The following DBH variants were observed in gnomAD, a reference collection of about 807,000 sequenced individuals.
DBH encodes dopamine beta-hydroxylase.
DBH carries 49 observed loss-of-function variants against 64.0 expected under a neutral mutation model. The observed-to-expected ratio is 0.77, with a 90% CI of 0.61 to 0.97. DBH has a LOEUF of 0.97. DBH is among the 50% of genes least tolerant of loss of function. The probability of loss-of-function intolerance (pLI) is 0.00; values close to 1 mark genes in which losing one functional copy is unlikely to be tolerated. For synonymous variants in DBH, 343 were observed against 347.1 expected (o/e 0.99, Z 0.13); for missense variants, 828 against 826.6 (o/e 1.00, Z -0.02).
At chr9:133,656,252 A>G in intron 9 of DBH, 1 of 449,210 alleles carries the variant, frequency 2.2e-6, no homozygotes, top group East Asian at 4.8e-5. Context: ...GGGCACAATA[A>G]CACCCCATCC....
At chr9:133,641,718 A>C (rs1302634715) in intron 2 of DBH, among the ~76,000 whole-genome samples, 1 of 152,142 alleles carries the variant, frequency 6.6e-6, no homozygotes, top group Non-Finnish European at 1.5e-5. Context: ...CCTCCTGCCA[A>C]GCTGGTGGTG....
chr9:133,651,801 G>GGCCCCCCCCCCCCC, intron 7 of DBH, 24 bp downstream of exon 7: 1 of 1,496,346 alleles, frequency 6.7e-7, no homozygotes. Context: ...CCCCACCCCT[G>GGCCCCCCCCCCCCC]CCCCGCCCCC....
At chr9:133,642,566 C>T in intron 3 of DBH, 102 bp downstream of exon 3, 1 of 1,422,314 alleles carries the variant, frequency 7.0e-7, no homozygotes, top group Non-Finnish European at 9.6e-7. Context: ...CTGGTTGGAC[C>T]AGGTGTCCTC....
intron 11 of DBH, among the ~76,000 whole-genome samples, chr9:133,657,465 G>A (rs1468339995): frequency 6.0e-5 from 8 of 134,416 alleles, no homozygotes; most frequent in East Asian, 2.1e-4. Context: ...AGAGGGAGAG[G>A]GAGAGAGGGA....
chr9:133,651,791 C>T lies in DBH; in HGVS notation c.1335+14C>T. ...CCTCACTTCCAGGTAGGAACCTGCA[C>T]CCCACCCCTGCCCCGCCCCCACACC... On this transcript the variant is annotated intron_variant, in intron 7 of 11. Transcript: ENST00000393056. 1.9e-6 allele frequency: 3 copies of T among 1,552,392 alleles called. No individual in the cohort carries two copies. The highest frequency in any genetic ancestry group is 2.6e-6 in the Non-Finnish European group (3 of 1,149,036).
At position 133,654,129 on chromosome 9, in the gene DBH, T is replaced by TTTATTTTATTTTA. The variant is rs1162131142; in HGVS notation, c.1434+1132_1434+1133insATTTTATTTTATT. On this transcript the variant is annotated intron_variant, in intron 9 of 11. Transcript: ENST00000393056. ...TTATTTTATTTTATATTTTATTTTT[T>TTTATTTTATTTTA]TTTGAGACGGAGTCTCGCTCTGTCA... 4.3e-4 allele frequency among the ~76,000 whole-genome samples: 65 copies of TTTATTTTATTTTA among 152,256 alleles called. 2 individuals carry two copies. Among genetic ancestry groups the TTTATTTTATTTTA allele is most frequent in the African/African-American group, 1.5e-3 (64 of 41,508 alleles).
chr9:133,650,830 G>A (rs181945426), intron 6 of DBH, among the ~76,000 whole-genome samples: 1 of 152,226 alleles, frequency 6.6e-6, no homozygotes, highest in Non-Finnish European at 1.5e-5. Context: ...TTACAAGCAT[G>A]AGCCACCATG....
At chr9:133,639,819 C>T (rs564927251) in intron 1 of DBH, 27 bp from the exon 2 acceptor site, 5 of 1,602,276 alleles carry the variant, frequency 3.1e-6, no homozygotes, top group Non-Finnish European at 2.6e-6. Context: ...CTCCTTCATG[C>T]CTGGAGCCCA....
At position 133,642,271 on chromosome 9, in the gene DBH, A is replaced by C. The variant is rs1390277904; in HGVS notation, c.551A>C (p.Asn184Thr). 1 of 1,613,994 alleles carries C rather than the reference A, an allele frequency of 6.2e-7. No homozygotes were observed. The highest frequency in any genetic ancestry group is 2.2e-5 in the East Asian group (1 of 44,862). ...CCGTTCCGGTCACTGGAGGCCATCA[A>C]CGGCTCGGGCCTGCAGATGGGGCTG... Reference protein sequence around the residue: ...EEPFRSLEAINGSGLQMGLQR... With the variant: ...EEPFRSLEAITGSGLQMGLQR... The change falls in exon 3 of 12, where the codon AAC (asparagine) becomes ACC (threonine). Residue 184 changes from asparagine to threonine, a missense_variant. Asn to Thr is a moderately conservative substitution (Grantham distance 65). Transcript: ENST00000393056.
chr9:133,643,906 C>T lies in DBH; in HGVS notation c.922-312C>T, dbSNP rs1290776364. ...TCCCAGGGCTGGCTGGCGGTGGGGC[C>T]AGTGTTGAGGCCTCCACAGGCTGAG... On this transcript the variant is annotated intron_variant, in intron 4 of 11. Transcript: ENST00000393056. This position sits in a 1 kb window ranked among gnomAD's most constrained non-coding sequence, Gnocchi z 5.3. 1.5e-4 allele frequency among the ~76,000 whole-genome samples: 23 copies of T among 152,132 alleles called. No homozygotes were observed. Among genetic ancestry groups the T allele is most frequent in the Non-Finnish European group, 3.2e-4 (22 of 68,016 alleles).
chr9:133,641,263 A>AG (rs1463126183), intron 2 of DBH, among the ~76,000 whole-genome samples: 1 of 152,210 alleles, frequency 6.6e-6, no homozygotes, highest in African/African-American at 2.4e-5. Context: ...GGATGTACCC[A>AG]GGGGTTCGGG....
chr9:133,650,223 C>T (rs996171179), intron 6 of DBH, among the ~76,000 whole-genome samples: 17 of 152,100 alleles, frequency 1.1e-4, no homozygotes, highest in Non-Finnish European at 2.2e-4. Flanking sequence ...TCAGGGCGGC[C>T]GCTGCTTGGG....
chr9:133,639,458 G>C (rs2797851), intron 1 of DBH, among the ~76,000 whole-genome samples: 1 of 151,810 alleles, frequency 6.6e-6, no homozygotes, highest in African/African-American at 2.4e-5. Flanking sequence ...GCATTGGTCT[G>C]AGGCATTGTT....
Position 133,658,685 on chromosome 9 carries a change from T to A in DBH, c.*238T>A. 2.4e-6 allele frequency: 1 copy of A among 425,056 alleles called. No individual in the cohort carries two copies. Among genetic ancestry groups the A allele is most frequent in the South Asian group, 5.8e-5 (1 of 17,182 alleles). 26.3% of individuals were successfully genotyped at this position (425,056 alleles called of 1,614,324 possible). A position where few individuals can be genotyped will look rare whatever the true frequency, so the allele number is the denominator to read the frequency against. On this transcript the variant is annotated 3_prime_UTR_variant, in exon 12 of 12. Coordinates refer to ENST00000393056, the MANE Select transcript of DBH (RefSeq NM_000787.4). ...ACCCTGGACCGAGTGGACCACGACC[T>A]CGTCCATTTAAACCCGGCTGACTCA...
At chr9:133,653,227 G>A (rs77421485) in intron 9 of DBH, among the ~76,000 whole-genome samples, 2,718 of 152,244 alleles carry the variant, frequency 0.018, 78 homozygotes, top group African/African-American at 0.06. Context: ...AGACACAGGC[G>A]GTGGCATCGG....
chr9:133,646,166 T>TC (rs1832178614), intron 5 of DBH, among the ~76,000 whole-genome samples: 1 of 152,172 alleles, frequency 6.6e-6, no homozygotes, highest in Non-Finnish European at 1.5e-5. Context: ...TCTTTTTTTT[T>TC]CATTGTTGTT....
At position 133,639,905 on chromosome 9, in the gene DBH, G is replaced by A; in HGVS notation, c.399G>A (p.Leu133=). The change falls in exon 2 of 12, where the codon CTG becomes CTA. Residue 133 remains leucine, a synonymous_variant. Transcript: ENST00000393056. ...IHLDPQQDYQ[L]LQVQRTPEGL... ...TGGATCCCCAGCAGGACTACCAGCT[G>A]CTGCAGGTGCAGAGGACCCCAGAAG... 6.2e-7 allele frequency: 1 copy of A among 1,613,416 alleles called. No homozygotes were observed. Among genetic ancestry groups the A allele is most frequent in the East Asian group, 2.2e-5 (1 of 44,880 alleles).
Position 133,642,299 on chromosome 9 carries a change from G to C in DBH, c.579G>C (p.Gln193His), listed in dbSNP as rs1342087418. ...INGSGLQMGL[Q>H]RVQLLKPNIP... ...GCTCGGGCCTGCAGATGGGGCTGCA[G>C]AGGGTGCAGCTCCTGAAGCCCAATA... Residue 193 changes from glutamine to histidine, a missense_variant, in exon 3 of 12, where the codon CAG (glutamine) becomes CAC (histidine). By Grantham distance (24) the Gln-to-His change is conservative (BLOSUM62 0). Transcript: ENST00000393056. 4 of 1,614,040 alleles carry C rather than the reference G, an allele frequency of 2.5e-6. No homozygotes were observed. Among genetic ancestry groups the C allele is most frequent in the Non-Finnish European group, 3.4e-6 (4 of 1,180,034 alleles).
intron 5 of DBH, among the ~76,000 whole-genome samples, chr9:133,645,922 C>T (rs1165705869): frequency 6.6e-6 from 1 of 152,142 alleles, no homozygotes; most frequent in Non-Finnish European, 1.5e-5. Context: ...ATGCTTAGAG[C>T]ATTTTTGGCA....
Sources: allele counts gnomAD v4.1 joint callset (sites outside exome capture counted in the v4.1 genomes callset), GRCh38; gene constraint gnomAD v4.1.1; non-coding constraint Gnocchi (gnomAD v3.1); transcripts MANE v1.5; gene names NCBI Gene and HGNC (gene_info 2026-07-23, HGNC 2026-07-21).